The following FARP2 variants were observed in gnomAD, a reference collection of about 807,000 sequenced individuals.
FARP2 encodes the protein FERM, ARHGEF and pleckstrin domain-containing protein 2.
Under a neutral mutation model 130.5 loss-of-function variants are expected in FARP2, and 111 were observed. That is an observed-to-expected ratio of 0.85 (90% CI 0.73 to 1.00). FARP2 has a LOEUF of 1.00. Among genes scored for constraint, FARP2 ranks in the 50% least tolerant of loss-of-function variants. FARP2 has a pLI of 0.00. For synonymous variants in FARP2, 504 were observed against 516.9 expected, an observed-to-expected ratio of 0.98 and a Z score of 0.34; for missense variants, 1,385 against 1,346.3, an observed-to-expected ratio of 1.03 and a Z score of -0.45.
chr2:241,483,812 T>C, intron 20 of FARP2: 5 of 985,416 alleles, frequency 5.1e-6, no homozygotes, highest in Non-Finnish European at 6.0e-6. Flanking sequence ...GCCAAAAGAT[T>C]GTAAAGTCCA....
At chr2:241,367,460 G>A (rs189481641) in intron 1 of FARP2, among the ~76,000 whole-genome samples, 1 of 152,222 alleles carries the variant, frequency 6.6e-6, no homozygotes, top group African/African-American at 2.4e-5. Flanking sequence ...AGAAGGATCC[G>A]TCTCTTGCTG....
chr2:241,413,856 C>T (rs756705534), intron 7 of FARP2, among the ~76,000 whole-genome samples: 3 of 151,626 alleles, frequency 2.0e-5, no homozygotes, highest in Non-Finnish European at 4.4e-5. Context: ...GCAGGAGAAT[C>T]GCTTGAACCC....
In FARP2 at chr2:241,490,032, T is replaced by C; in HGVS notation, c.2492T>C (p.Val831Ala). 1 of 1,613,488 alleles carries C rather than the reference T, an allele frequency of 6.2e-7. No homozygotes were observed. Residue 831 changes from valine (V) to alanine (A), a missense_variant, in exon 22 of 27, where the codon GTG becomes GCG. Val to Ala is a moderately conservative substitution (Grantham distance 64, BLOSUM62 0). Coordinates refer to ENST00000264042, the MANE Select transcript of FARP2 (RefSeq NM_014808.4). ...FTIYAAQKTI[V>A]VAASTRLEKE... Reference sequence around the variant, plus strand: ...ATCTACGCGGCTCAGAAAACAATCGTGGTGGCAGCCAGGTAAGGGTCTTCC... The same window carrying C: ...ATCTACGCGGCTCAGAAAACAATCGCGGTGGCAGCCAGGTAAGGGTCTTCC...
In FARP2 at chr2:241,468,173, G is replaced by A. The variant is rs41342147; in HGVS notation, c.1927G>A (p.Val643Ile). 192,220 of 1,613,114 alleles carry A rather than the reference G, an allele frequency of 0.12. 12,055 individuals are homozygous for A. The highest frequency in any genetic ancestry group is 0.14 in the Middle Eastern group (873 of 6,060). ...FTSYFQRHDE[V>I]LTELEKATKR... is the part of the protein sequence containing the mutation. ...CAGCTACTTCCAAAGACATGACGAG[G>A]TCCTAACAGAACTGGAAAAGGCTAC... Residue 643 changes from valine (V) to isoleucine (I), a missense_variant, in exon 18 of 27, where the codon GTC (valine) becomes ATC (isoleucine). By Grantham distance (29) the Val-to-Ile change is conservative. Transcript: ENST00000264042.
intron 8 of FARP2, among the ~76,000 whole-genome samples, chr2:241,419,178 G>GA (rs1238856712): frequency 3.3e-5 from 5 of 151,786 alleles, no homozygotes; most frequent in African/African-American, 4.8e-5. Flanking sequence ...TTTCCTGTCA[G>GA]AAAAAAAATT....
At chr2:241,393,176 C>T (rs1361269591) in intron 2 of FARP2, among the ~76,000 whole-genome samples, 1 of 151,802 alleles carries the variant, frequency 6.6e-6, no homozygotes, top group Non-Finnish European at 1.5e-5. Context: ...CCTGCCACCA[C>T]ACCCGGCTAA....
At chr2:241,424,133 G>A (rs2062874310) in intron 8 of FARP2, among the ~76,000 whole-genome samples, 1 of 152,144 alleles carries the variant, frequency 6.6e-6, no homozygotes, top group Non-Finnish European at 1.5e-5. Context: ...CTACAGAACT[G>A]TCCCCCCAAA....
chr2:241,372,978 A>G, intron 1 of FARP2, 106 bp from the exon 2 acceptor site: 2 of 492,102 alleles, frequency 4.1e-6, no homozygotes. Flanking sequence ...AGTTGCAGTA[A>G]TAGTACAGAG....
intron 6 of FARP2, 151 bp from the exon 7 acceptor site, chr2:241,413,156 A>G (rs902214836): frequency 2.7e-5 from 15 of 564,544 alleles, no homozygotes. Context: ...AAATATTTGG[A>G]AAAATTAAAT....
intron 9 of FARP2, 107 bp downstream of exon 9, chr2:241,431,881 C>A: frequency 3.4e-6 from 1 of 290,836 alleles, no homozygotes. Context: ...AGTGCAATGG[C>A]ATGATCTCGG....
intron 2 of FARP2, among the ~76,000 whole-genome samples, chr2:241,391,593 A>G (rs975480800): frequency 4.6e-5 from 7 of 152,046 alleles, no homozygotes; most frequent in Non-Finnish European, 1.0e-4. Context: ...AGAAGGCACA[A>G]TTTTCTCTCC....
At chr2:241,396,660 C>A (rs1369744366) in intron 2 of FARP2, among the ~76,000 whole-genome samples, 1 of 152,130 alleles carries the variant, frequency 6.6e-6, no homozygotes, top group South Asian at 2.1e-4. Context: ...GTTAGAATGG[C>A]GATCATTAAA....
rs551446928 is a variant in FARP2 at position 241,368,963 on chromosome 2, A to G, written c.-24-4121A>G. Among the ~76,000 whole-genome samples, 78 of 152,246 alleles carry G rather than the reference A, an allele frequency of 5.1e-4. 1 individual carries two copies. Among genetic ancestry groups the G allele is most frequent in the African/African-American group, 1.9e-3 (78 of 41,492 alleles). Reference sequence around the variant, plus strand: ...GACAACAAACAGATTTTTCTTTGGGATATCAGCAACAGAGTACCACAGGGT... The same window carrying G: ...GACAACAAACAGATTTTTCTTTGGGGTATCAGCAACAGAGTACCACAGGGT... On this transcript the variant is annotated intron_variant, in intron 1 of 26. Transcript: ENST00000264042.
At chr2:241,427,804 C>T (rs181459731) in intron 8 of FARP2, among the ~76,000 whole-genome samples, 16 of 152,028 alleles carry the variant, frequency 1.1e-4, no homozygotes, top group African/African-American at 3.1e-4. Flanking sequence ...CTCACTCTGT[C>T]GCCCAGGTGG....
chr2:241,462,599 A>C lies in FARP2; in HGVS notation c.1664A>C (p.Glu555Ala). The C allele has an allele frequency of 6.2e-7, 1 of 1,609,680 alleles. No homozygotes were observed. Among genetic ancestry groups the C allele is most frequent in the Non-Finnish European group, 8.5e-7 (1 of 1,175,960 alleles). The change falls in exon 15 of 27, where the codon GAA (glutamate) becomes GCA (alanine). Residue 555 changes from glutamate to alanine, a missense_variant. Coordinates refer to ENST00000264042, the MANE Select transcript of FARP2 (RefSeq NM_014808.4). ...GAACGAACATACCTCAAGGATTTAG[A>C]AGTTATTACCGTGGTACGAAAGTCC... Reference protein sequence around the residue: ...ATERTYLKDLEVITVWFRSAV... With the variant: ...ATERTYLKDLAVITVWFRSAV...
chr2:241,411,763 C>A (rs1053930299), intron 6 of FARP2, among the ~76,000 whole-genome samples: 9 of 152,178 alleles, frequency 5.9e-5, no homozygotes, highest in African/African-American at 2.2e-4. Flanking sequence ...AATTTGAATC[C>A]AGGAAATATG....
At chr2:241,449,803 C>T (rs910106757) in intron 13 of FARP2, among the ~76,000 whole-genome samples, 1 of 152,036 alleles carries the variant, frequency 6.6e-6, no homozygotes, top group Non-Finnish European at 1.5e-5. Flanking sequence ...TCGAGACTAG[C>T]CTGGCCAACA....
rs904738323 is a variant in FARP2, at chr2:241,459,260, A to G, written c.1587+2338A>G. On this transcript the variant is annotated intron_variant, in intron 14 of 26. Coordinates refer to ENST00000264042, the MANE Select transcript of FARP2 (RefSeq NM_014808.4). The surrounding 1 kb of genome is among the most constrained non-coding windows in gnomAD (Gnocchi z 5.3). Reference sequence around the variant, plus strand: ...GAACCAGTGTGCCCAGCCAGGCTGCAACAGGTTCTGGGGAGACCCCGGCCC... The same window carrying G: ...GAACCAGTGTGCCCAGCCAGGCTGCGACAGGTTCTGGGGAGACCCCGGCCC... Among the ~76,000 whole-genome samples the G allele has an allele frequency of 3.9e-5, 6 of 152,190 alleles. No homozygotes were observed. The highest frequency in any genetic ancestry group is 1.4e-4 in the African/African-American group (6 of 41,442).
At chr2:241,435,518 T>A (rs2063203653) in intron 11 of FARP2, among the ~76,000 whole-genome samples, 1 of 150,316 alleles carries the variant, frequency 6.7e-6, no homozygotes, top group Non-Finnish European at 1.5e-5. Context: ...TAATTTTTTT[T>A]TTTTTTTTTT....
Sources: allele counts gnomAD v4.1 joint callset (sites outside exome capture counted in the v4.1 genomes callset), GRCh38; gene constraint gnomAD v4.1.1; non-coding constraint Gnocchi (gnomAD v3.1); transcripts MANE v1.5; gene names NCBI Gene and HGNC (gene_info 2026-07-23, HGNC 2026-07-21).